The following CPAMD8 variants were observed in gnomAD, a reference collection of about 807,000 sequenced individuals.
The protein encoded by CPAMD8 is C3 and PZP like alpha-2-macroglobulin domain containing 8, also known as C3 and PZP-like alpha-2-macroglobulin domain-containing protein 8.
In CPAMD8, 146 loss-of-function variants were observed where a neutral mutation model predicts 224.7. The ratio of observed to expected loss-of-function variants is 0.65; its 90% CI spans 0.57 to 0.75. The LOEUF (loss-of-function observed/expected upper bound fraction) is 0.75, where lower values mean the gene tolerates loss of function less well. Ranked by LOEUF, CPAMD8 falls within the 30% of genes least tolerant of loss-of-function variation. The pLI is 0.00. For synonymous variants in CPAMD8, 966 were observed against 1,044.6 expected (o/e 0.92, Z 1.45); for missense variants, 2,301 against 2,537.5 (o/e 0.91, Z 2.00).
At chr19:17,004,186 G>A (rs555500994) in intron 8 of CPAMD8, 87 bp downstream of exon 8, 21 of 881,802 alleles carry the variant, frequency 2.4e-5, no homozygotes, top group African/African-American at 3.3e-5. Flanking sequence ...GATTACAGGC[G>A]AGAGCCCTTG....
Position 16,903,836 on chromosome 19 carries a change from C to A in CPAMD8, c.4273G>T (p.Ala1425Ser). The change falls in exon 33 of 42, where the codon GCC becomes TCC. Residue 1425 changes from alanine to serine, a missense_variant. Ala to Ser is a moderately conservative substitution (Grantham distance 99, BLOSUM62 1). This residue lies in a region of CPAMD8 where 1,709 missense variants were observed against 1,753.2 expected (regional missense o/e 0.97). Coordinates refer to ENST00000443236, the MANE Select transcript of CPAMD8 (RefSeq NM_015692.5). ...GACAAGATGGCATATTCAGCCAAGG[C>A]CTGCAGAGCCACGCAGGTGTCCTGG... ...STQDTCVALQ[A>S]LAEYAILSYA... 1 of 1,613,864 alleles carries A rather than the reference C, an allele frequency of 6.2e-7. No individual in the cohort carries two copies. Among genetic ancestry groups the A allele is most frequent in the Non-Finnish European group, 8.5e-7 (1 of 1,180,020 alleles).
chr19:16,961,527 G>A (rs1402132973), intron 18 of CPAMD8, among the ~76,000 whole-genome samples: 3 of 152,228 alleles, frequency 2.0e-5, no homozygotes, highest in Admixed American at 1.3e-4. Flanking sequence ...TAAACTGGGC[G>A]GAGCCCACTG....
chr19:16,937,988 C>T (rs757679919), intron 23 of CPAMD8, among the ~76,000 whole-genome samples: 16 of 152,026 alleles, frequency 1.1e-4, no homozygotes, highest in East Asian at 1.9e-4. Flanking sequence ...AGTTTCACCA[C>T]GTTGGCCAGG....
In CPAMD8 at chr19:16,980,981, C is replaced by T. The variant is rs370008931; in HGVS notation, c.1396-295G>A. On this transcript the variant is annotated intron_variant, in intron 13 of 41. Coordinates refer to ENST00000443236, the MANE Select transcript of CPAMD8 (RefSeq NM_015692.5). ...CTCCTGGGTAGCTATTACAGGCGCCCGCCACCATGCCGGTATAATTTTTGT... is the reference window on the plus strand; with the variant it reads ...CTCCTGGGTAGCTATTACAGGCGCCTGCCACCATGCCGGTATAATTTTTGT... Among the ~76,000 whole-genome samples, 26 of 152,108 alleles carry T rather than the reference C, an allele frequency of 1.7e-4. No individual in the cohort carries two copies. In the East Asian group the frequency reaches 4.4e-3, roughly 26 times the overall value.
chr19:17,021,533 C>T (rs2123258708), intron 2 of CPAMD8, among the ~76,000 whole-genome samples: 1 of 152,326 alleles, frequency 6.6e-6, no homozygotes, highest in South Asian at 2.1e-4. Context: ...CAGGGATCTG[C>T]ATTCACTATC....
intron 13 of CPAMD8, among the ~76,000 whole-genome samples, chr19:16,988,614 A>T (rs2055828012): frequency 6.6e-6 from 1 of 151,914 alleles, no homozygotes; most frequent in African/African-American, 2.4e-5. Context: ...CACCTCAAAA[A>T]CAAAACAAAA....
intron 12 of CPAMD8, 32 bp from the exon 13 acceptor site, chr19:16,989,803 G>A (rs199691466): frequency 6.8e-5 from 109 of 1,608,310 alleles, no homozygotes; most frequent in Middle Eastern, 4.9e-4. Context: ...ATCAACACCC[G>A]AGTGCCAAGA....
chr19:16,904,258 G>A lies in CPAMD8; in HGVS notation c.4219C>T (p.Arg1407Ter), dbSNP rs781536126. The change falls in exon 32 of 42, where the codon CGA becomes TGA. Residue 1407 changes from arginine to a stop codon, truncating the protein, a stop_gained. Coordinates refer to ENST00000443236, the MANE Select transcript of CPAMD8 (RefSeq NM_015692.5). LOFTEE classifies it high-confidence loss of function. ...GAGGAGAAGCCCCCAAGTGCATTTC[G>A]CTGCTGGGACAGCCACTTCACCACA... ...LPVVKWLSQQ[R>*]NALGGFSSTQ... 4.4e-6 allele frequency: 7 copies of A among 1,593,214 alleles called. No individual in the cohort carries two copies. Among genetic ancestry groups the A allele is most frequent in the South Asian group, 1.1e-5 (1 of 90,760 alleles).
chr19:17,017,001 G>C lies in CPAMD8; in HGVS notation c.267+3330C>G, dbSNP rs116025882. 9.5e-3 allele frequency among the ~76,000 whole-genome samples: 1,451 copies of C among 152,062 alleles called. 21 individuals carry two copies. The highest frequency in any genetic ancestry group is 0.034 in the Middle Eastern group (10 of 294). On this transcript the variant is annotated intron_variant, in intron 3 of 41. Transcript: ENST00000443236. ...CCAGTCAATGGCCTGTTAGGAATGG[G>C]GCTACACAGCAGGAGGTGAGCAGTG...
chr19:16,901,135 C>T, intron 36 of CPAMD8, 75 bp downstream of exon 36: 1 of 985,566 alleles, frequency 1.0e-6, no homozygotes, highest in Non-Finnish European at 1.5e-6. Context: ...TGCCAGCCAG[C>T]CTGACCCTGG....
intron 9 of CPAMD8, among the ~76,000 whole-genome samples, chr19:17,000,895 C>G (rs1392639322): frequency 6.6e-6 from 1 of 152,192 alleles, no homozygotes; most frequent in Non-Finnish European, 1.5e-5. Flanking sequence ...AAGGACCGAA[C>G]TTCTCTGAGC....
At chr19:16,909,774 G>A (rs550424262) in intron 29 of CPAMD8, among the ~76,000 whole-genome samples, 2 of 152,196 alleles carry the variant, frequency 1.3e-5, no homozygotes, top group Admixed American at 6.5e-5. Context: ...TAGAGACAGA[G>A]GTTTCACTGT....
At chr19:16,974,951 G>A in intron 17 of CPAMD8, 146 bp downstream of exon 17, 6 of 1,095,882 alleles carry the variant, frequency 5.5e-6, no homozygotes, top group South Asian at 3.4e-5. Flanking sequence ...CTCCAGCCTG[G>A]GCCACAGAGC....
rs1450617576 is a variant in CPAMD8 at position 16,975,112 on chromosome 19, A to G, written c.2055T>C (p.Ser685=). 28 of 1,612,398 alleles carry G rather than the reference A, an allele frequency of 1.7e-5. No homozygotes were observed. The highest frequency in any genetic ancestry group is 2.3e-5 in the Non-Finnish European group (27 of 1,179,784). Residue 685 remains serine (S), a synonymous_variant, in exon 17 of 42, where the codon TCT becomes TCC. Coordinates refer to ENST00000443236, the MANE Select transcript of CPAMD8 (RefSeq NM_015692.5). ...CTCTCCTTACGGTGAAGGCAAACCC[A>G]GAGTCCTTGGTGATGCCCCAAGGCC... ...FPWPWGITKD[S]GFAFTETGLV...
chr19:16,923,145 C>T (rs1019555008), intron 26 of CPAMD8, among the ~76,000 whole-genome samples: 13 of 152,160 alleles, frequency 8.5e-5, no homozygotes, highest in African/African-American at 1.7e-4. Context: ...GGTGAGAGGC[C>T]GGTGGGCCAC....
chr19:16,973,510 A>G (rs2055138590), intron 17 of CPAMD8, among the ~76,000 whole-genome samples: 1 of 151,816 alleles, frequency 6.6e-6, no homozygotes, highest in Admixed American at 6.6e-5. Context: ...CACCACACCC[A>G]GATAATTTTT....
chr19:17,005,960 A>G (rs970856451), intron 7 of CPAMD8, among the ~76,000 whole-genome samples: 4 of 130,660 alleles, frequency 3.1e-5, no homozygotes, highest in Admixed American at 7.5e-5. Flanking sequence ...ACACATCCCA[A>G]AGGGTTTTTT....
At chr19:16,911,320 T>C (rs1273917819) in intron 29 of CPAMD8, among the ~76,000 whole-genome samples, 1 of 151,974 alleles carries the variant, frequency 6.6e-6, no homozygotes, top group East Asian at 1.9e-4. Context: ...TATTGTGAAC[T>C]GTGAGCATGT....
chr19:16,941,765 G>A (rs557789468), intron 22 of CPAMD8, among the ~76,000 whole-genome samples: 3 of 151,950 alleles, frequency 2.0e-5, no homozygotes, highest in South Asian at 2.1e-4. Context: ...ACGAGGTCAA[G>A]AGATTGAGAC....
Sources: gnomAD v4.1 joint callset for allele counts (sites outside exome capture counted in the v4.1 genomes callset) on GRCh38, gnomAD v4.1.1 for gene constraint, gnomAD v4.1.1 regional missense constraint, MANE v1.5 for transcripts, NCBI Gene and HGNC (gene_info 2026-07-23, HGNC 2026-07-21) for gene names.